The following SPIDR variants were observed in gnomAD, a reference collection of about 807,000 sequenced individuals.
The protein encoded by SPIDR is scaffold protein involved in DNA repair.
Under a neutral mutation model 104.6 loss-of-function variants are expected in SPIDR, and 93 were observed. That is an observed-to-expected ratio of 0.89 (90% CI 0.75 to 1.06). The LOEUF (loss-of-function observed/expected upper bound fraction) is 1.06. Ranked by LOEUF, SPIDR falls within the 50% of genes least tolerant of loss-of-function variation. SPIDR has a pLI of 0.00. For synonymous variants in SPIDR, 431 were observed against 416.9 expected (o/e 1.03, Z -0.41); for missense variants, 1,154 against 1,111.2 (o/e 1.04, Z -0.55).
At chr8:47,470,374 C>A (rs1178917706) in intron 8 of SPIDR, among the ~76,000 whole-genome samples, 1 of 151,936 alleles carries the variant, frequency 6.6e-6, no homozygotes, top group African/African-American at 2.4e-5. Flanking sequence ...CCGCAACCTC[C>A]ACCTCCCAGA....
chr8:47,613,256 C>T (rs2063831430), intron 10 of SPIDR, among the ~76,000 whole-genome samples: 1 of 152,192 alleles, frequency 6.6e-6, no homozygotes, highest in Admixed American at 6.5e-5. Context: ...CAGCATCTGA[C>T]CTTTTGTGTC....
intron 8 of SPIDR, among the ~76,000 whole-genome samples, chr8:47,515,908 C>A (rs1359583411): frequency 1.3e-5 from 2 of 152,224 alleles, no homozygotes; most frequent in African/African-American, 4.8e-5. Flanking sequence ...CTCCCGGGTT[C>A]AAGCGATTCT....
intron 14 of SPIDR, among the ~76,000 whole-genome samples, chr8:47,712,253 G>GGGCA (rs1237705745): frequency 6.6e-6 from 1 of 152,224 alleles, no homozygotes; most frequent in Non-Finnish European, 1.5e-5. Context: ...CAAAGTCTGA[G>GGGCA]GGCAAGTAAG....
chr8:47,703,929 G>A (rs1732054390), intron 14 of SPIDR, among the ~76,000 whole-genome samples: 2 of 152,218 alleles, frequency 1.3e-5, no homozygotes, highest in Non-Finnish European at 1.5e-5. Context: ...TAGGATGCAA[G>A]CTTGTTACCT....
chr8:47,581,703 A>T (rs983505950), intron 8 of SPIDR, among the ~76,000 whole-genome samples: 1 of 152,196 alleles, frequency 6.6e-6, no homozygotes. Flanking sequence ...TGACAACTTC[A>T]GTTCTCAATC....
chr8:47,704,858 C>T (rs1015109127), intron 14 of SPIDR, among the ~76,000 whole-genome samples: 11 of 152,114 alleles, frequency 7.2e-5, no homozygotes, highest in South Asian at 2.1e-4. Context: ...AGGCAGGGCA[C>T]GTGCTATGTC....
At chr8:47,494,292 ATT>A (rs34699907) in intron 8 of SPIDR, among the ~76,000 whole-genome samples, 1 of 141,268 alleles carries the variant, frequency 7.1e-6, no homozygotes, top group Non-Finnish European at 1.5e-5. Flanking sequence ...CTGGCCTAGA[ATT>A]TTTTTTTTTT....
intron 2 of SPIDR, among the ~76,000 whole-genome samples, chr8:47,283,130 A>G (rs2038144875): frequency 6.6e-6 from 1 of 152,240 alleles, no homozygotes; most frequent in Non-Finnish European, 1.5e-5. Context: ...TTCTGGGATT[A>G]CAGGCGTGAG....
chr8:47,366,818 T>G (rs916151925), intron 5 of SPIDR, among the ~76,000 whole-genome samples: 2 of 152,238 alleles, frequency 1.3e-5, no homozygotes, highest in Admixed American at 6.5e-5. Flanking sequence ...CCTATGATTT[T>G]TTTTGGTTAT....
intron 8 of SPIDR, among the ~76,000 whole-genome samples, chr8:47,450,631 G>A (rs1033956714): frequency 6.6e-6 from 1 of 152,198 alleles, no homozygotes; most frequent in Admixed American, 6.5e-5. Flanking sequence ...TTCCAGTAGA[G>A]GGAAGCAGAA....
intron 8 of SPIDR, among the ~76,000 whole-genome samples, chr8:47,450,100 G>T (rs1042026330): frequency 2.0e-5 from 3 of 152,134 alleles, no homozygotes; most frequent in African/African-American, 7.2e-5. Context: ...AGGAGGTCAA[G>T]GCTGCATTGA....
At chr8:47,455,251 T>A (rs1420795878) in intron 8 of SPIDR, among the ~76,000 whole-genome samples, 2 of 152,068 alleles carry the variant, frequency 1.3e-5, no homozygotes, top group Non-Finnish European at 2.9e-5. Flanking sequence ...GGGGTAGAGA[T>A]GTAGAGGAGC....
At chr8:47,274,615 T>C (rs978044098) in intron 1 of SPIDR, among the ~76,000 whole-genome samples, 1 of 151,610 alleles carries the variant, frequency 6.6e-6, no homozygotes, top group Non-Finnish European at 1.5e-5. Context: ...TCTCGCTCTA[T>C]CACCCATGCT....
chr8:47,477,920 G>C (rs782338708), intron 8 of SPIDR, among the ~76,000 whole-genome samples: 1 of 152,164 alleles, frequency 6.6e-6, no homozygotes, highest in Non-Finnish European at 1.5e-5. Flanking sequence ...AGACAGCTGC[G>C]CTTAGCTGGG....
intron 8 of SPIDR, among the ~76,000 whole-genome samples, chr8:47,467,234 C>T (rs2075014623): frequency 6.6e-6 from 1 of 151,930 alleles, no homozygotes; most frequent in Non-Finnish European, 1.5e-5. Flanking sequence ...ACCCTGCCAA[C>T]CAAAAAAAGC....
intron 5 of SPIDR, among the ~76,000 whole-genome samples, chr8:47,323,196 G>A (rs1250645113): frequency 2.0e-5 from 3 of 152,126 alleles, no homozygotes; most frequent in Non-Finnish European, 4.4e-5. Context: ...AAGCCTTGGT[G>A]ATGTATATAT....
intron 10 of SPIDR, among the ~76,000 whole-genome samples, chr8:47,609,315 G>A (rs1019193846): frequency 6.6e-6 from 1 of 152,068 alleles, no homozygotes; most frequent in African/African-American, 2.4e-5. Flanking sequence ...GAAACCATTG[G>A]TGAATCCAAG....
chr8:47,364,684 T>TA (rs1413648683), intron 5 of SPIDR, among the ~76,000 whole-genome samples: 1 of 152,194 alleles, frequency 6.6e-6, no homozygotes, highest in African/African-American at 2.4e-5. Context: ...GGTTTTTAAA[T>TA]ACTATGTTTT....
intron 8 of SPIDR, among the ~76,000 whole-genome samples, chr8:47,490,030 C>T (rs2154366176): frequency 6.6e-6 from 1 of 152,286 alleles, no homozygotes. Context: ...AGAGCTTCTG[C>T]ACAGCAAAAG....
Sources: allele counts gnomAD v4.1 joint callset (sites outside exome capture counted in the v4.1 genomes callset), GRCh38; gene constraint gnomAD v4.1.1; transcripts MANE v1.5; gene names NCBI Gene and HGNC (gene_info 2026-07-23, HGNC 2026-07-21).